Variants in TRMO observed in about 807,000 individuals in gnomAD.
TRMO encodes tRNA (adenine(37)-N6)-methyltransferase.
In TRMO, 30 loss-of-function variants were observed where a neutral mutation model predicts 37.2. That is an observed-to-expected ratio of 0.81 (90% CI 0.60 to 1.09). The LOEUF is 1.09. TRMO is among the 50% of genes least tolerant of loss of function. The pLI is 0.00. For missense variants in TRMO, 552 were observed against 549.5 expected (o/e 1.00, Z -0.05); for synonymous variants, 239 against 199.4 (o/e 1.20, Z -1.67).
chr9:97,915,633 T>C (rs1826320485), intron 2 of TRMO: 1 of 152,154 alleles, frequency 6.6e-6, no homozygotes, highest in East Asian at 1.9e-4. Flanking sequence ...TCCCTGAGGA[T>C]CTCTAAATGA....
chr9:97,900,529 T>A (rs1192231634), downstream of TRMO, among the ~76,000 whole-genome samples: 1 of 152,252 alleles, frequency 6.6e-6, no homozygotes, highest in Non-Finnish European at 1.5e-5. Context: ...TGCTGAATCA[T>A]ATGGAACTGC....
Position 97,916,219 on chromosome 9 carries a change from T to C in TRMO, c.196A>G (p.Ile66Val). ...AAGGAATGTTCAGGATTATTAAAGA[T>C]CCTCTTTCTAATCCTCAAACAGGCT... ...SRACLRIRKR[I>V]FNNPEHSLMG... The change falls in exon 2 of 5, where the codon ATC becomes GTC. Residue 66 changes from isoleucine (I) to valine (V), a missense_variant. Ile to Val is a conservative substitution (Grantham distance 29, BLOSUM62 3). Transcript: ENST00000375119. The C allele has an allele frequency of 1.2e-6, 2 of 1,613,410 alleles. No homozygotes were observed. The highest frequency in any genetic ancestry group is 1.7e-6 in the Non-Finnish European group (2 of 1,179,464).
chr9:97,912,964 A>G (rs778308535), intron 3 of TRMO: 18 of 1,301,764 alleles, frequency 1.4e-5, no homozygotes, highest in Middle Eastern at 2.1e-4. Flanking sequence ...ATATCTGTCC[A>G]TTTCCCCAAG....
downstream of TRMO, among the ~76,000 whole-genome samples, chr9:97,901,757 T>A (rs77696771): frequency 7.6e-5 from 11 of 144,634 alleles, no homozygotes; most frequent in South Asian, 2.2e-4. Flanking sequence ...TCTCAAAGGC[T>A]AAAAAAAAAA....
downstream of TRMO, among the ~76,000 whole-genome samples, chr9:97,903,632 C>A (rs1027295344): frequency 6.6e-6 from 1 of 152,144 alleles, no homozygotes; most frequent in African/African-American, 2.4e-5. Flanking sequence ...ACAGAGGATC[C>A]ATGTATAATT....
At position 97,916,289 on chromosome 9, in the gene TRMO, G is replaced by C; in HGVS notation, c.126C>G (p.Ala42=). ...ATGGCTGTCTTGGAGTACCATTCTT[G>C]GCCGAGAAACAAGATTCCAAGTAGC... The part of the protein sequence containing the change: ...PVGYLESCFS[A]KNGTPRQPSI... The change falls in exon 2 of 5, where the codon GCC becomes GCG. Residue 42 remains alanine, a synonymous_variant. Coordinates refer to ENST00000375119, the MANE Select transcript of TRMO (RefSeq NM_016481.5). 1.2e-6 allele frequency: 2 copies of C among 1,613,388 alleles called. No individual in the cohort carries two copies. Among genetic ancestry groups the C allele is most frequent in the Non-Finnish European group, 1.7e-6 (2 of 1,179,654 alleles).
At chr9:97,900,220 T>C (rs568572794), downstream of TRMO, among the ~76,000 whole-genome samples, 18 of 152,236 alleles carry the variant, frequency 1.2e-4, no homozygotes, top group Non-Finnish European at 1.9e-4. Context: ...CCTAGGTTTA[T>C]AGGTCATTGA....
At chr9:97,907,321 G>A (rs1564104901) in intron 4 of TRMO, among the ~76,000 whole-genome samples, 1 of 152,288 alleles carries the variant, frequency 6.6e-6, no homozygotes, top group South Asian at 2.1e-4. Context: ...CAACAGTGTG[G>A]GCTGGCTGTG....
chr9:97,919,166 T>C (rs1826506021), intron 1 of TRMO, among the ~76,000 whole-genome samples: 1 of 152,208 alleles, frequency 6.6e-6, no homozygotes, highest in South Asian at 2.1e-4. Flanking sequence ...ACAGATATAG[T>C]AGACATCTTA....
intron 4 of TRMO, among the ~76,000 whole-genome samples, chr9:97,907,698 T>C (rs1331839968): frequency 6.6e-6 from 1 of 152,130 alleles, no homozygotes; most frequent in African/African-American, 2.4e-5. Flanking sequence ...TGCCTTTTAC[T>C]TCTCCCAAGA....
intron 3 of TRMO, chr9:97,911,708 T>G (rs1307306228): frequency 6.6e-6 from 1 of 152,136 alleles, no homozygotes; most frequent in Non-Finnish European, 1.5e-5. Flanking sequence ...AAGCAGCACA[T>G]AAGTCAGCAT....
chr9:97,904,877 G>C lies in TRMO; in HGVS notation c.1182C>G (p.Asp394Glu). 1.2e-6 allele frequency: 2 copies of C among 1,614,218 alleles called. No individual in the cohort carries two copies. The highest frequency in any genetic ancestry group is 1.7e-6 in the Non-Finnish European group (2 of 1,180,040). ...TGTCTACAGTAAAGTAGAAAAGGCG[G>C]TCCTGGCAAAGCTTCCGGCGGTACA... ...RSVYRRKLCQ[D>E]RLFYFTVDIA... The change falls in exon 5 of 5, where the codon GAC becomes GAG. Residue 394 changes from aspartate to glutamate, a missense_variant. Asp to Glu is a conservative substitution (Grantham distance 45, BLOSUM62 2). Transcript: ENST00000375119.
chr9:97,915,223 G>A (rs1826300493), intron 2 of TRMO, among the ~76,000 whole-genome samples: 1 of 152,086 alleles, frequency 6.6e-6, no homozygotes, highest in East Asian at 1.9e-4. Context: ...CCCTAATATA[G>A]GTAACACTTA....
intron 4 of TRMO, among the ~76,000 whole-genome samples, chr9:97,908,179 A>G (rs10984290): frequency 0.082 from 12,525 of 152,154 alleles, 1,493 homozygotes; most frequent in East Asian, 0.61. Flanking sequence ...TTGGGAGGCC[A>G]AGGCGGGGGA....
At chr9:97,918,425 A>C (rs1826471954) in intron 1 of TRMO, among the ~76,000 whole-genome samples, 1 of 152,084 alleles carries the variant, frequency 6.6e-6, no homozygotes, top group South Asian at 2.1e-4. Flanking sequence ...AAGTAATAAC[A>C]TATTTCAAAA....
chr9:97,897,853 A>T, the TRMO span, among the ~76,000 whole-genome samples: 38 of 151,746 alleles, frequency 2.5e-4, no homozygotes, highest in East Asian at 7.8e-4. Context: ...TACTTTAAAA[A>T]ATTTTTTTTA....
rs542585900 is a variant in TRMO at position 97,909,117 on chromosome 9, G to C, written c.1066+843C>G. On this transcript the variant is annotated intron_variant, in intron 4 of 4. Transcript: ENST00000375119. ...TTACAGGCACCTGCCACCAAAACTG[G>C]CTTTTTGGATTTTTAATAGAGATAG... 2.4e-3 allele frequency among the ~76,000 whole-genome samples: 362 copies of C among 152,162 alleles called. 1 individual carries two copies. The highest frequency in any genetic ancestry group is 6.0e-3 in the Admixed American group (91 of 15,272).
rs1308088646 is a variant in TRMO at position 97,914,804 on chromosome 9, G to A, written c.252-1246C>T. Among the ~76,000 whole-genome samples the A allele has an allele frequency of 2.0e-5, 3 of 152,056 alleles. No homozygotes were observed. In the East Asian group the frequency reaches 5.8e-4, roughly 29 times the overall value. ...TCTGTATGTATATATTTGTTTCTAT[G>A]TGTACTTGAAAAAGAAAAAATTAAA... On this transcript the variant is annotated intron_variant, in intron 2 of 4. Coordinates refer to ENST00000375119, the MANE Select transcript of TRMO (RefSeq NM_016481.5).
chr9:97,910,348 AGT>A lies in TRMO; in HGVS notation c.676_677del (p.Thr226PhefsTer10). ...KRKPKCPEDR[T>X]SEENYLTHSD... Reference sequence around the variant, plus strand: ...TGTGTGTCAGGTAGTTTTCTTCTGAAGTTCTGTCTTCAGGACATTTAGGTTTC... The same window carrying A: ...TGTGTGTCAGGTAGTTTTCTTCTGAATCTGTCTTCAGGACATTTAGGTTTC... On this transcript the variant is annotated frameshift_variant, in exon 4 of 5. Transcript: ENST00000375119. LOFTEE classifies it high-confidence loss of function. The A allele has an allele frequency of 6.2e-7, 1 of 1,614,172 alleles. No individual in the cohort carries two copies. The highest frequency in any genetic ancestry group is 8.5e-7 in the Non-Finnish European group (1 of 1,180,018).
Sources: allele counts gnomAD v4.1 joint callset (sites outside exome capture counted in the v4.1 genomes callset), GRCh38; gene constraint gnomAD v4.1.1; transcripts MANE v1.5; gene names NCBI Gene and HGNC (gene_info 2026-07-23, HGNC 2026-07-21).